Variants in NRXN3 observed in about 807,000 individuals in gnomAD.
NRXN3 encodes the protein neurexin 3.
Under a neutral mutation model 137.6 loss-of-function variants are expected in NRXN3, and 32 were observed. That is an observed-to-expected ratio of 0.23 (90% CI 0.18 to 0.31). NRXN3 has a LOEUF of 0.31. NRXN3 is among the 10% of genes least tolerant of loss of function. The probability of loss-of-function intolerance (pLI) is 1.00; values close to 1 mark genes in which losing one functional copy is unlikely to be tolerated. For missense variants in NRXN3, 1,574 were observed against 2,062.5 expected, an observed-to-expected ratio of 0.76 and a Z score of 4.59; for synonymous variants, 798 against 784.5, an observed-to-expected ratio of 1.02 and a Z score of -0.29.
At chr14:79,774,749 C>T (rs1409212941) in intron 19 of NRXN3, among the ~76,000 whole-genome samples, 7 of 152,052 alleles carry the variant, frequency 4.6e-5, no homozygotes, top group Non-Finnish European at 7.4e-5. Flanking sequence ...TTCTATTTAT[C>T]AACTGCATTC....
At chr14:78,926,006 A>G (rs950875617) in intron 10 of NRXN3, among the ~76,000 whole-genome samples, 7 of 152,240 alleles carry the variant, frequency 4.6e-5, no homozygotes, top group Non-Finnish European at 8.8e-5. Flanking sequence ...TAATTATTAC[A>G]GTTGTTATAA....
chr14:79,632,262 G>T (rs1192549972), intron 16 of NRXN3: 2 of 153,346 alleles, frequency 1.3e-5, no homozygotes, highest in Non-Finnish European at 2.9e-5. Flanking sequence ...CCATCTTTAA[G>T]AACTGTAACA....
chr14:78,239,325 G>A (rs2066768483), intron 1 of NRXN3, among the ~76,000 whole-genome samples: 5 of 152,196 alleles, frequency 3.3e-5, no homozygotes, highest in Admixed American at 3.3e-4. Flanking sequence ...GTGATGCCCT[G>A]GAGGGTGAGA....
At chr14:79,731,500 G>A (rs556885934) in intron 19 of NRXN3, among the ~76,000 whole-genome samples, 17 of 152,062 alleles carry the variant, frequency 1.1e-4, no homozygotes, top group African/African-American at 3.6e-4. Context: ...GTTCTTACTC[G>A]TTCTTTAAAA....
At chr14:79,711,090 A>C (rs1567972723) in intron 19 of NRXN3, among the ~76,000 whole-genome samples, 1 of 152,220 alleles carries the variant, frequency 6.6e-6, no homozygotes, top group Admixed American at 6.5e-5. Flanking sequence ...TGTAAACAAT[A>C]TATGTTTTGA....
chr14:78,492,471 G>T (rs1005856035), intron 4 of NRXN3, among the ~76,000 whole-genome samples: 5 of 152,142 alleles, frequency 3.3e-5, no homozygotes, highest in African/African-American at 1.2e-4. Flanking sequence ...TCCTAGCTTT[G>T]ATAAGCATTT....
intron 15 of NRXN3, among the ~76,000 whole-genome samples, chr14:79,297,343 T>C (rs975674058): frequency 3.4e-4 from 52 of 152,126 alleles, no homozygotes; most frequent in Admixed American, 3.2e-3. Context: ...TTCAGATAAA[T>C]AACTGACTTT....
chr14:79,309,114 A>ATATTCCCCTTCCTGTGTCCATGT (rs2086727185), intron 15 of NRXN3, among the ~76,000 whole-genome samples: 1 of 68,658 alleles, frequency 1.5e-5, no homozygotes, highest in African/African-American at 6.1e-5. Context: ...CCAGAGTGTG[A>ATATTCCCCTTCCTGTGTCCATGT]TATTCCCCTT....
chr14:79,446,083 T>C (rs1007441321), intron 15 of NRXN3, among the ~76,000 whole-genome samples: 4 of 152,190 alleles, frequency 2.6e-5, no homozygotes, highest in Admixed American at 6.5e-5. Context: ...TCCAGCTTTA[T>C]TGAGCTTACA....
At chr14:78,631,775 G>T (rs1330637454) in intron 4 of NRXN3, among the ~76,000 whole-genome samples, 3 of 152,096 alleles carry the variant, frequency 2.0e-5, no homozygotes, top group Admixed American at 6.5e-5. Flanking sequence ...GGTTGTTGGG[G>T]TGTTGCAGCA....
chr14:79,862,137 G>A lies in NRXN3; in HGVS notation c.*173G>A. ...TTTAAAGGACACACACACACACAGC[G>A]ATGCATCTCTCTCTAAAGCTCAGCC... On this transcript the variant is annotated 3_prime_UTR_variant, in exon 21 of 21. Transcript: ENST00000335750. 9 of 601,768 alleles carry A rather than the reference G, an allele frequency of 1.5e-5. No individual in the cohort carries two copies. The highest frequency in any genetic ancestry group is 8.2e-5 in the South Asian group (4 of 48,748). The allele number at this position is 601,768 out of a possible 1,614,324, so 37.3% of individuals were successfully genotyped here. A position where few individuals can be genotyped will look rare whatever the true frequency, so the allele number is the denominator to read the frequency against.
In NRXN3 at chr14:78,235,014, A is replaced by ATATATGTG. The variant is rs1555418625; in HGVS notation, c.-703-7372_-703-7371insGTGTATAT. ...TGCTTTTATATATATATATATATAT[A>ATATATGTG]TATATATATGTGTATATATATATGT... On this transcript the variant is annotated intron_variant, in intron 1 of 20. Transcript: ENST00000335750. 1.4e-3 allele frequency among the ~76,000 whole-genome samples: 136 copies of ATATATGTG among 96,046 alleles called. 1 individual carries two copies. Among genetic ancestry groups the ATATATGTG allele is most frequent in the South Asian group, 3.2e-3 (9 of 2,792 alleles). The allele number at this position is 96,046 out of a possible 152,430, so 63.0% of individuals were successfully genotyped here.
intron 16 of NRXN3, among the ~76,000 whole-genome samples, chr14:79,582,426 AT>A (rs1158275194): frequency 2.0e-5 from 3 of 148,996 alleles, no homozygotes; most frequent in Non-Finnish European, 4.4e-5. Flanking sequence ...TGCTTTTATA[AT>A]TATTATTTTT....
chr14:79,243,518 G>T (rs1215764293), intron 15 of NRXN3, among the ~76,000 whole-genome samples: 1 of 152,152 alleles, frequency 6.6e-6, no homozygotes, highest in Non-Finnish European at 1.5e-5. Flanking sequence ...AGTGAAATCT[G>T]TACTATAGCC....
intron 8 of NRXN3, among the ~76,000 whole-genome samples, chr14:78,737,836 C>T (rs1345927487): frequency 6.6e-6 from 1 of 152,072 alleles, no homozygotes; most frequent in Non-Finnish European, 1.5e-5. Context: ...AGGATGGCTT[C>T]GCTTTTGGCA....
At chr14:79,264,848 TTTCAAAA>T (rs1353817442) in intron 15 of NRXN3, among the ~76,000 whole-genome samples, 1 of 152,144 alleles carries the variant, frequency 6.6e-6, no homozygotes, top group African/African-American at 2.4e-5. Flanking sequence ...GTATGCTACT[TTTCAAAA>T]TGGGAATTTA....
At chr14:79,460,117 C>T (rs2153601682) in intron 15 of NRXN3, among the ~76,000 whole-genome samples, 1 of 152,250 alleles carries the variant, frequency 6.6e-6, no homozygotes, top group South Asian at 2.1e-4. Context: ...TGTCCAGAAA[C>T]TATGTGCGTG....
intron 15 of NRXN3, chr14:78,988,441 A>G (rs1409494946): frequency 7.9e-6 from 3 of 378,904 alleles, no homozygotes; most frequent in East Asian, 6.0e-5. Flanking sequence ...TTTTTGTTGT[A>G]AGGGCTTCAG....
At chr14:79,289,132 A>G (rs959566376) in intron 15 of NRXN3, among the ~76,000 whole-genome samples, 3 of 152,168 alleles carry the variant, frequency 2.0e-5, no homozygotes, top group Non-Finnish European at 2.9e-5. Context: ...TAGTGTCAGG[A>G]CTGGTCAGGA....
Sources: allele counts gnomAD v4.1 joint callset (sites outside exome capture counted in the v4.1 genomes callset), GRCh38; gene constraint gnomAD v4.1.1; transcripts MANE v1.5; gene names NCBI Gene and HGNC (gene_info 2026-07-23, HGNC 2026-07-21).